The following XYLB variants were observed in gnomAD, a reference collection of about 807,000 sequenced individuals.
XYLB encodes the protein xylulose kinase.
A neutral mutation model predicts 78.7 loss-of-function variants in XYLB; 62 were observed. That is an observed-to-expected ratio of 0.79 (90% CI 0.64 to 0.97). The LOEUF (loss-of-function observed/expected upper bound fraction) is 0.97. XYLB is among the 50% of genes least tolerant of loss of function. The pLI is 0.00. For missense variants in XYLB, 687 were observed against 676.8 expected, an observed-to-expected ratio of 1.02 and a Z score of -0.17; for synonymous variants, 245 against 247.4, an observed-to-expected ratio of 0.99 and a Z score of 0.09.
the XYLB span, among the ~76,000 whole-genome samples, chr3:38,437,022 A>ATAATAG: frequency 6.8e-6 from 1 of 146,374 alleles, no homozygotes. Flanking sequence ...AATAATAATA[A>ATAATAG]TAATAATAAT....
In XYLB at chr3:38,414,557, T is replaced by G. The variant is rs1430026247; in HGVS notation, c.*1544T>G. 5.9e-5 allele frequency: 9 copies of G among 152,104 alleles called. No individual in the cohort carries two copies. The highest frequency in any genetic ancestry group is 1.3e-4 in the Non-Finnish European group (9 of 68,038). 9.4% of individuals were successfully genotyped at this position (152,104 alleles called of 1,614,324 possible). A position where few individuals can be genotyped will look rare whatever the true frequency, so the allele number is the denominator to read the frequency against. The stretch of plus-strand genomic sequence containing the variant: ...TCAACATGAATTTGAAAATAAATAA[T>G]TGTGGATATAAAAGAACACCAGAGA... On this transcript the variant is annotated 3_prime_UTR_variant, in exon 19 of 19. Coordinates refer to ENST00000207870, the MANE Select transcript of XYLB (RefSeq NM_005108.4).
chr3:38,382,781 A>C (rs1432953953), intron 15 of XYLB, among the ~76,000 whole-genome samples: 1 of 152,194 alleles, frequency 6.6e-6, no homozygotes, highest in Non-Finnish European at 1.5e-5. Flanking sequence ...GCTCAGGAGG[A>C]GCTGATGGGA....
At chr3:38,371,055 T>C (rs1004801257) in intron 9 of XYLB, among the ~76,000 whole-genome samples, 6 of 152,084 alleles carry the variant, frequency 3.9e-5, no homozygotes, top group African/African-American at 1.4e-4. Context: ...TCTTGGGCCA[T>C]GTGGAGGAGG....
intron 15 of XYLB, among the ~76,000 whole-genome samples, chr3:38,394,690 T>G (rs915299210): frequency 1.3e-5 from 2 of 152,216 alleles, no homozygotes; most frequent in Non-Finnish European, 2.9e-5. Flanking sequence ...CTTATACAGT[T>G]TCTTTGGGTC....
intron 15 of XYLB, among the ~76,000 whole-genome samples, chr3:38,383,125 C>A (rs1417088877): frequency 6.6e-6 from 1 of 152,160 alleles, no homozygotes; most frequent in Non-Finnish European, 1.5e-5. Flanking sequence ...GAGTGTGTGC[C>A]CGGCCCAGTT....
intron 11 of XYLB, 50 bp downstream of exon 11, chr3:38,374,552 C>T (rs1224427086): frequency 6.2e-7 from 1 of 1,612,114 alleles, no homozygotes; most frequent in Non-Finnish European, 8.5e-7. Flanking sequence ...CACACTCACA[C>T]CCACACTCTG....
Position 38,351,171 on chromosome 3 carries a change from C to CAAAAAAAAAAAAA in XYLB, c.140+2555_140+2567dup, listed in dbSNP as rs58457623. On this transcript the variant is annotated intron_variant, in intron 2 of 18. Transcript: ENST00000207870. ...TGGACAACAGAGGGAGAGCCTGTCTCAAAAAAAAAAAAAAAAAAAAAAAAA... is the reference window on the plus strand; with the variant it reads ...TGGACAACAGAGGGAGAGCCTGTCTCAAAAAAAAAAAAAAAAAAAAAAAAAAAAAAAAAAAAAA... Among the ~76,000 whole-genome samples the CAAAAAAAAAAAAA allele has an allele frequency of 1.8e-3, 42 of 23,086 alleles. 3 individuals are homozygous for CAAAAAAAAAAAAA. The highest frequency in any genetic ancestry group is 9.1e-3 in the Admixed American group (14 of 1,544). The allele number at this position is 23,086 out of a possible 152,430, so 15.1% of individuals were successfully genotyped here.
At chr3:38,382,685 G>C (rs888107119) in intron 15 of XYLB, among the ~76,000 whole-genome samples, 1 of 152,156 alleles carries the variant, frequency 6.6e-6, no homozygotes, top group Non-Finnish European at 1.5e-5. Context: ...GCCTGGCAGG[G>C]GTCCTCCGGC....
downstream of XYLB, among the ~76,000 whole-genome samples, chr3:38,418,375 G>A (rs1462582494): frequency 1.3e-5 from 2 of 152,064 alleles, no homozygotes; most frequent in African/African-American, 4.8e-5. Flanking sequence ...TCTGGTAGGA[G>A]TGCAATTTTG....
intron 15 of XYLB, among the ~76,000 whole-genome samples, chr3:38,382,104 C>T (rs1224670931): frequency 2.6e-5 from 4 of 152,178 alleles, no homozygotes; most frequent in Admixed American, 6.5e-5. Context: ...TCAAGCCAGC[C>T]GATGCTTAGG....
chr3:38,422,214 A>T (rs1435150783), downstream of XYLB, among the ~76,000 whole-genome samples: 3 of 152,210 alleles, frequency 2.0e-5, no homozygotes, highest in Non-Finnish European at 2.9e-5. Context: ...AAAGGAGTAC[A>T]AGTACAAACA....
chr3:38,400,809 C>T, intron 17 of XYLB, 82 bp from the exon 18 acceptor site: 2 of 1,169,466 alleles, frequency 1.7e-6, no homozygotes, highest in Non-Finnish European at 2.5e-6. Context: ...AGTTTGCCAC[C>T]CCAGTGAGAT....
At chr3:38,429,207 A>G in the XYLB span, among the ~76,000 whole-genome samples, 1 of 152,164 alleles carries the variant, frequency 6.6e-6, no homozygotes, top group Non-Finnish European at 1.5e-5. Flanking sequence ...TTGGACTAGC[A>G]TAACAACCTG....
At chr3:38,437,321 A>G in the XYLB span, among the ~76,000 whole-genome samples, 2 of 152,190 alleles carry the variant, frequency 1.3e-5, no homozygotes, top group Non-Finnish European at 2.9e-5. Context: ...CTGCATGGAG[A>G]AAAGTGGAAA....
intron 15 of XYLB, among the ~76,000 whole-genome samples, chr3:38,389,537 C>G (rs555450304): frequency 2.0e-5 from 3 of 151,836 alleles, no homozygotes; most frequent in African/African-American, 7.3e-5. Flanking sequence ...AGAGGCACCC[C>G]CCACCTCCCT....
chr3:38,421,052 T>A (rs1008669153), downstream of XYLB, among the ~76,000 whole-genome samples: 5 of 152,256 alleles, frequency 3.3e-5, no homozygotes, highest in East Asian at 1.9e-4. Context: ...CCCATAAAGA[T>A]TGCTTTTAGC....
chr3:38,417,969 A>G (rs1038597089), downstream of XYLB, among the ~76,000 whole-genome samples: 9 of 151,314 alleles, frequency 5.9e-5, no homozygotes, highest in African/African-American at 2.2e-4. Flanking sequence ...AGGTGGGTGG[A>G]TCACCTGAGG....
the XYLB span, among the ~76,000 whole-genome samples, chr3:38,443,799 A>C: frequency 6.6e-6 from 1 of 150,622 alleles, no homozygotes; most frequent in African/African-American, 2.4e-5. Flanking sequence ...GTAGATGCTC[A>C]AGGAAGACAG....
chr3:38,402,268 G>T (rs1708151484), intron 18 of XYLB, among the ~76,000 whole-genome samples: 1 of 152,160 alleles, frequency 6.6e-6, no homozygotes, highest in Non-Finnish European at 1.5e-5. Context: ...TCAGCAAACA[G>T]ATAAACATTC....
Sources: gnomAD v4.1 joint callset for allele counts (sites outside exome capture counted in the v4.1 genomes callset) on GRCh38, gnomAD v4.1.1 for gene constraint, MANE v1.5 for transcripts, NCBI Gene and HGNC (gene_info 2026-07-23, HGNC 2026-07-21) for gene names.